Variants in NRAP observed in about 807,000 individuals in gnomAD.
NRAP encodes the protein nebulin-related-anchoring protein.
A neutral mutation model predicts 225.9 loss-of-function variants in NRAP; 189 were observed. That is an observed-to-expected ratio of 0.84 (90% confidence interval 0.74 to 0.94). NRAP has a LOEUF of 0.94. Among genes scored for constraint, NRAP ranks in the 40% least tolerant of loss-of-function variants. The pLI, the probability that NRAP is intolerant of heterozygous loss-of-function variation, is 0.00. For missense variants in NRAP, 2,176 were observed against 2,168.7 expected (o/e 1.00, Z -0.07); for synonymous variants, 769 against 790.7 (o/e 0.97, Z 0.46).
At chr10:113,601,109 C>G (rs774444023) in intron 35 of NRAP, among the ~76,000 whole-genome samples, 4 of 152,214 alleles carry the variant, frequency 2.6e-5, no homozygotes, top group South Asian at 4.1e-4. Context: ...ATGATGGAAT[C>G]AGCACCTGCC....
At chr10:113,657,873 C>T (rs1443342498) in intron 3 of NRAP, among the ~76,000 whole-genome samples, 1 of 152,176 alleles carries the variant, frequency 6.6e-6, no homozygotes, top group Non-Finnish European at 1.5e-5. Context: ...CCTCAGAAAA[C>T]ATTGGGCATT....
In NRAP at chr10:113,623,448, C is replaced by T. The variant is rs147612282; in HGVS notation, c.2457+81G>A. On this transcript the variant is annotated intron_variant, in intron 23 of 41. Coordinates refer to ENST00000359988, the MANE Select transcript of NRAP (RefSeq NM_198060.4). The stretch of plus-strand genomic sequence containing the variant: ...CCTGAGATTCAGAGAGATTAAGAAC[C>T]TGCCCAGACACTCAGAGAATCTCCC... The T allele has an allele frequency of 1.3e-3, 1,055 of 825,710 alleles. 7 individuals carry two copies. The African/African-American group carries it at 0.016, about 12-fold the overall frequency. The allele number at this position is 825,710 out of a possible 1,614,324, so 51.1% of individuals were successfully genotyped here.
chr10:113,633,111 G>T lies in NRAP; in HGVS notation c.1605C>A (p.Ala535=). Residue 535 remains alanine (A), a synonymous_variant, in exon 16 of 42, where the codon GCC becomes GCA. Transcript: ENST00000359988. ...LPQDVPQLVK[A]KTNAKLFSEV... is the part of the protein sequence containing the mutation. ...CACTGAAGAGTTTGGCATTGGTTTTGGCCTTCACCAGCTGAGGAACATCCT... is the reference window on the plus strand; with the variant it reads ...CACTGAAGAGTTTGGCATTGGTTTTTGCCTTCACCAGCTGAGGAACATCCT... 1 of 1,601,742 alleles carries T rather than the reference G, an allele frequency of 6.2e-7. No individual in the cohort carries two copies. Among genetic ancestry groups the T allele is most frequent in the Non-Finnish European group, 8.6e-7 (1 of 1,168,790 alleles).
chr10:113,623,454 A>T, intron 23 of NRAP, 75 bp downstream of exon 23: 1 of 892,846 alleles, frequency 1.1e-6, no homozygotes, highest in Non-Finnish European at 1.8e-6. Context: ...GAACCTGCCC[A>T]GACACTCAGA....
At position 113,604,642 on chromosome 10, in the gene NRAP, G is replaced by A; in HGVS notation, c.4194C>T (p.Ala1398=). ...FTALPEDLKM[A]WAKKAHALQS... ...GCAGGGCATGGGCTTTCTTGGCCCA[G>A]GCCATCTTCAGGTCCTCGGGCAGTG... Residue 1398 remains alanine (A), a synonymous_variant, in exon 35 of 42, where the codon GCC becomes GCT. Transcript: ENST00000359988. The A allele has an allele frequency of 6.2e-7, 1 of 1,614,076 alleles. No homozygotes were observed. The highest frequency in any genetic ancestry group is 8.5e-7 in the Non-Finnish European group (1 of 1,179,950).
At chr10:113,633,402 G>A (rs1376908526) in intron 15 of NRAP, among the ~76,000 whole-genome samples, 1 of 152,230 alleles carries the variant, frequency 6.6e-6, no homozygotes, top group Non-Finnish European at 1.5e-5. Flanking sequence ...ACTTGAAGTT[G>A]TGAGTTTGCA....
intron 36 of NRAP, 129 bp from the exon 37 acceptor site, chr10:113,597,313 T>C (rs2133852415): frequency 1.5e-6 from 1 of 664,516 alleles, no homozygotes; most frequent in Non-Finnish European, 2.7e-6. Flanking sequence ...GCCTTTCTTC[T>C]TGGTAGGTAC....
intron 4 of NRAP, among the ~76,000 whole-genome samples, chr10:113,656,459 G>A (rs1043588381): frequency 2.0e-5 from 3 of 152,184 alleles, no homozygotes; most frequent in African/African-American, 7.2e-5. Flanking sequence ...ACCTCCTGAG[G>A]CTGTCGTGGG....
chr10:113,594,202 T>C (rs1846153929), intron 38 of NRAP, among the ~76,000 whole-genome samples: 1 of 152,108 alleles, frequency 6.6e-6, no homozygotes, highest in Non-Finnish European at 1.5e-5. Context: ...CTTACACATC[T>C]CAATGGCTTT....
rs192986096 is a variant in NRAP at position 113,598,662 on chromosome 10, G to T, written c.4228-589C>A. On this transcript the variant is annotated intron_variant, in intron 35 of 41. Coordinates refer to ENST00000359988, the MANE Select transcript of NRAP (RefSeq NM_198060.4). ...TTTTGTTCTTGTGATAGTGGTAGTG[G>T]AGGGGGAAAGAAGTCAATTATAGCA... is the stretch of plus-strand genomic sequence containing the variant. 1.4e-4 allele frequency among the ~76,000 whole-genome samples: 21 copies of T among 152,276 alleles called. No homozygotes were observed. In the East Asian group the frequency reaches 3.1e-3, roughly 22 times the overall value.
rs756988691 is a variant in NRAP, at chr10:113,589,061, C to T, written c.5107G>A (p.Glu1703Lys). 4 of 1,613,992 alleles carry T rather than the reference C, an allele frequency of 2.5e-6. No individual in the cohort carries two copies. Among genetic ancestry groups the T allele is most frequent in the Non-Finnish European group, 3.4e-6 (4 of 1,179,960 alleles). Residue 1703 changes from glutamate to lysine, a missense_variant, in exon 42 of 42, where the codon GAG becomes AAG. Glu to Lys is a moderately conservative substitution (Grantham distance 56). This residue lies in a region of NRAP where 445 missense variants were observed against 426.1 expected (regional missense o/e 1.04). Coordinates refer to ENST00000359988, the MANE Select transcript of NRAP (RefSeq NM_198060.4). Reference sequence around the variant, plus strand: ...TCCCCACTCTGATGATCTCCAGCCTCCACTGCTTCTGCCCCCCGCTGCTGA... The same window carrying T: ...TCCCCACTCTGATGATCTCCAGCCTTCACTGCTTCTGCCCCCCGCTGCTGA... ...QGAYRGAEAVEAGDHQSGEVN... is the reference protein window; with the variant it reads ...QGAYRGAEAVKAGDHQSGEVN...
At chr10:113,624,726 G>A (rs934422637) in intron 22 of NRAP, 100 bp downstream of exon 22, 1 of 807,744 alleles carries the variant, frequency 1.2e-6, no homozygotes, top group Non-Finnish European at 2.1e-6. Context: ...TGTAACCTCA[G>A]TTGATACAGA....
intron 12 of NRAP, among the ~76,000 whole-genome samples, chr10:113,642,260 C>A (rs147787926): frequency 6.6e-6 from 1 of 152,070 alleles, no homozygotes; most frequent in African/African-American, 2.4e-5. Context: ...AAACAACTGC[C>A]CAAAATTGGC....
chr10:113,610,345 A>C, intron 31 of NRAP, 114 bp downstream of exon 31: 1 of 579,390 alleles, frequency 1.7e-6, no homozygotes, highest in Non-Finnish European at 3.1e-6. Flanking sequence ...GCGAGACTCC[A>C]TCTCAAATTA....
chr10:113,628,454 G>C lies in NRAP; in HGVS notation c.2145+463C>G, dbSNP rs530684151. On this transcript the variant is annotated intron_variant, in intron 20 of 41. Coordinates refer to ENST00000359988, the MANE Select transcript of NRAP (RefSeq NM_198060.4). Reference sequence around the variant, plus strand: ...CTGCCCACCTAGGCCTCCTAAAGTAGTGGGATTACAGGCCAACCTCTTCAT... The same window carrying C: ...CTGCCCACCTAGGCCTCCTAAAGTACTGGGATTACAGGCCAACCTCTTCAT... 6.6e-5 allele frequency among the ~76,000 whole-genome samples: 10 copies of C among 152,282 alleles called. No individual in the cohort carries two copies. In the East Asian group the frequency reaches 1.7e-3, roughly 27 times the overall value.
chr10:113,614,924 C>T lies in NRAP; in HGVS notation c.3101G>A (p.Ser1034Asn). Residue 1034 changes from serine to asparagine, a missense_variant, in exon 28 of 42, where the codon AGC becomes AAC. Physicochemically the swap from Ser to Asn is conservative, Grantham distance 46 (BLOSUM62 1). This residue lies in a region of NRAP where 1,708 missense variants were observed against 1,695.5 expected (regional missense o/e 1.01). Transcript: ENST00000359988. ...ISETRYKESW[S>N]KLRDGGYKLR... ...TTTATAGCCACCATCTCGAAGTTTG[C>T]TCCAGGATTCCTTATAACGCGTCTG... 2 of 1,609,928 alleles carry T rather than the reference C, an allele frequency of 1.2e-6. No homozygotes were observed. Among genetic ancestry groups the T allele is most frequent in the Non-Finnish European group, 8.5e-7 (1 of 1,176,092 alleles).
chr10:113,649,515 T>C (rs975312933), intron 9 of NRAP, among the ~76,000 whole-genome samples: 2 of 152,224 alleles, frequency 1.3e-5, no homozygotes, highest in African/African-American at 4.8e-5. Context: ...TCTTAATCTT[T>C]TTTTACTCCC....
At position 113,622,676 on chromosome 10, in the gene NRAP, G is replaced by A. The variant is rs118071810; in HGVS notation, c.2458-496C>T. On this transcript the variant is annotated intron_variant, in intron 23 of 41. Transcript: ENST00000359988. ...GATTTTCAACATTATCATTGCTCTG[G>A]CCAGTGGTAGATTCCGGTTCTACTC... Among the ~76,000 whole-genome samples the A allele has an allele frequency of 2.1e-3, 316 of 152,250 alleles. 2 individuals are homozygous for A. The highest frequency in any genetic ancestry group is 3.5e-3 in the Admixed American group (53 of 15,296).
chr10:113,640,226 C>T lies in NRAP; in HGVS notation c.1428+1G>A, dbSNP rs576392639. 2.7e-5 allele frequency: 43 copies of T among 1,571,502 alleles called. No individual in the cohort carries two copies. Among genetic ancestry groups the T allele is most frequent in the Non-Finnish European group, 3.6e-5 (41 of 1,149,350 alleles). On this transcript the variant is annotated splice_donor_variant, in intron 14 of 41. Transcript: ENST00000359988. LOFTEE classifies it high-confidence loss of function. ...GAAAGAGCTGTTGGAAAAGAACTTA[C>T]ATCTTTCAAGGGCACCAGTTTCATA...
Sources: gnomAD v4.1 joint callset for allele counts (sites outside exome capture counted in the v4.1 genomes callset) on GRCh38, gnomAD v4.1.1 for gene constraint, gnomAD v4.1.1 regional missense constraint, MANE v1.5 for transcripts, NCBI Gene and HGNC (gene_info 2026-07-23, HGNC 2026-07-21) for gene names.